FAF2: variants seen among roughly 807,000 people sequenced by gnomAD.
FAF2 encodes the protein FAS-associated factor 2.
In FAF2, 9 loss-of-function variants were observed where a neutral mutation model predicts 62.3. That is an observed-to-expected ratio of 0.14 (90% CI 0.09 to 0.25). The LOEUF (loss-of-function observed/expected upper bound fraction) is 0.25, where lower values mean the gene tolerates loss of function less well. FAF2 is among the 10% of genes least tolerant of loss of function. The pLI, the probability that FAF2 is intolerant of heterozygous loss-of-function variation, is 1.00. For synonymous variants in FAF2, 202 were observed against 198.0 expected, an observed-to-expected ratio of 1.02 and a Z score of -0.17; for missense variants, 368 against 556.2, an observed-to-expected ratio of 0.66 and a Z score of 3.40.
intron 1 of FAF2, among the ~76,000 whole-genome samples, chr5:176,471,975 C>G (rs1311361404): frequency 6.6e-6 from 1 of 152,070 alleles, no homozygotes; most frequent in Non-Finnish European, 1.5e-5. Context: ...CCACCATGCC[C>G]AGCCCCTATC....
intron 1 of FAF2, among the ~76,000 whole-genome samples, chr5:176,454,595 A>G (rs1758248288): frequency 1.6e-5 from 2 of 122,806 alleles, no homozygotes; most frequent in African/African-American, 2.8e-5. Context: ...AAAAAAAAAA[A>G]AAAAAAAAAA....
At chr5:176,482,583 A>T (rs1406307222) in intron 2 of FAF2, among the ~76,000 whole-genome samples, 2 of 152,166 alleles carry the variant, frequency 1.3e-5, no homozygotes. Flanking sequence ...ATTATGGCTA[A>T]CTGCAGCCTT....
At chr5:176,493,093 T>G (rs1364155011) in intron 5 of FAF2, among the ~76,000 whole-genome samples, 1 of 152,198 alleles carries the variant, frequency 6.6e-6, no homozygotes, top group African/African-American at 2.4e-5. Context: ...ACTACAGGAA[T>G]AGGGAAAACT....
At chr5:176,499,835 T>A (rs1035843020) in intron 9 of FAF2, among the ~76,000 whole-genome samples, 168 bp from the exon 10 acceptor site, 1 of 152,180 alleles carries the variant, frequency 6.6e-6, no homozygotes, top group Admixed American at 6.5e-5. Flanking sequence ...AAAGAATACA[T>A]GAGATGCAAT....
chr5:176,456,063 T>C (rs1285716946), intron 1 of FAF2, among the ~76,000 whole-genome samples: 1 of 152,194 alleles, frequency 6.6e-6, no homozygotes, highest in Non-Finnish European at 1.5e-5. Context: ...TAAGTAGTCA[T>C]GAAGACTGAC....
At chr5:176,488,421 ATTTG>A (rs566803597) in intron 3 of FAF2, among the ~76,000 whole-genome samples, 18 of 152,046 alleles carry the variant, frequency 1.2e-4, no homozygotes, top group African/African-American at 3.9e-4. Flanking sequence ...TTTGGTTTTT[ATTTG>A]TTTGTTTGTT....
chr5:176,477,961 C>A (rs1197340640), intron 1 of FAF2, among the ~76,000 whole-genome samples: 1 of 152,156 alleles, frequency 6.6e-6, no homozygotes, highest in African/African-American at 2.4e-5. Flanking sequence ...GAGACTACAT[C>A]TTATTCATTT....
intron 3 of FAF2, 82 bp from the exon 4 acceptor site, chr5:176,488,869 G>T: frequency 2.7e-6 from 3 of 1,119,256 alleles, no homozygotes; most frequent in Non-Finnish European, 4.1e-6. Context: ...GGACCAAAAA[G>T]AGTGAGAAAA....
intron 1 of FAF2, among the ~76,000 whole-genome samples, chr5:176,462,673 A>G (rs1758398747): frequency 6.6e-6 from 1 of 152,194 alleles, no homozygotes; most frequent in African/African-American, 2.4e-5. Flanking sequence ...TCTAAATCCT[A>G]GAGCATCCTC....
At chr5:176,496,029 G>A (rs1377015263) in intron 7 of FAF2, among the ~76,000 whole-genome samples, 1 of 152,126 alleles carries the variant, frequency 6.6e-6, no homozygotes, top group African/African-American at 2.4e-5. Context: ...ATTCTTTATA[G>A]ATCCTTTTTG....
chr5:176,465,671 A>G (rs573052583), intron 1 of FAF2, among the ~76,000 whole-genome samples: 1 of 152,010 alleles, frequency 6.6e-6, no homozygotes, highest in Non-Finnish European at 1.5e-5. Context: ...CCAGCCCAGA[A>G]ATTGAAATTT....
At chr5:176,451,699 A>G (rs1345742805) in intron 1 of FAF2, among the ~76,000 whole-genome samples, 3 of 144,864 alleles carry the variant, frequency 2.1e-5, no homozygotes, top group African/African-American at 7.6e-5. Flanking sequence ...AAGTACACAC[A>G]TGAATAATGG....
At chr5:176,454,209 A>G (rs555951932) in intron 1 of FAF2, among the ~76,000 whole-genome samples, 1 of 151,892 alleles carries the variant, frequency 6.6e-6, no homozygotes, top group East Asian at 1.9e-4. Context: ...CCTGACAAAC[A>G]TGGTGAAACC....
Position 176,491,913 on chromosome 5 carries a change from T to C in FAF2, c.345-281T>C, listed in dbSNP as rs188127942. 1.1e-4 allele frequency among the ~76,000 whole-genome samples: 17 copies of C among 152,304 alleles called. No homozygotes were observed. In the East Asian group the frequency reaches 2.9e-3, roughly 26 times the overall value. On this transcript the variant is annotated intron_variant, in intron 4 of 10. Transcript: ENST00000261942. ...CTTCCCTTCCAAACCCTTCTAGCCC[T>C]AAATTGTTCTACAAAAAATACTCAG... is the stretch of plus-strand genomic sequence containing the variant.
chr5:176,453,656 G>A (rs1204298370), intron 1 of FAF2: 1 of 152,084 alleles, frequency 6.6e-6, no homozygotes, highest in African/African-American at 2.4e-5. Context: ...GAAAACAAGA[G>A]CTTTGAAAAT....
At chr5:176,504,111 A>G (rs751290950) in intron 10 of FAF2, among the ~76,000 whole-genome samples, 14 of 151,990 alleles carry the variant, frequency 9.2e-5, no homozygotes, top group Non-Finnish European at 4.4e-5. Context: ...CATCTCAAAA[A>G]AAAAGAAAAA....
At chr5:176,471,007 G>A (rs1039731807) in intron 1 of FAF2, among the ~76,000 whole-genome samples, 3 of 152,064 alleles carry the variant, frequency 2.0e-5, no homozygotes, top group East Asian at 3.8e-4. Flanking sequence ...AGCTTACCTC[G>A]TTCTTTGTAA....
intron 1 of FAF2, among the ~76,000 whole-genome samples, chr5:176,450,942 A>G (rs1044131397): frequency 5.9e-5 from 9 of 152,146 alleles, no homozygotes; most frequent in Non-Finnish European, 1.3e-4. Flanking sequence ...TGCATCTTTC[A>G]TTTTTCTATT....
At chr5:176,473,455 T>G (rs1338723408) in intron 1 of FAF2, among the ~76,000 whole-genome samples, 1 of 152,238 alleles carries the variant, frequency 6.6e-6, no homozygotes, top group East Asian at 1.9e-4. Flanking sequence ...TGTTTTGGCC[T>G]TGATCACCTA....
Sources: gnomAD v4.1 joint callset for allele counts (sites outside exome capture counted in the v4.1 genomes callset) on GRCh38, gnomAD v4.1.1 for gene constraint, MANE v1.5 for transcripts, NCBI Gene and HGNC (gene_info 2026-07-23, HGNC 2026-07-21) for gene names.